CNTNAP4: variants seen among roughly 807,000 people sequenced by gnomAD.
The protein encoded by CNTNAP4 is contactin-associated protein-like 4.
In CNTNAP4, 98 loss-of-function variants were observed where a neutral mutation model predicts 148.4. The ratio of observed to expected loss-of-function variants is 0.66; its 90% CI spans 0.56 to 0.78. The LOEUF is 0.78. Ranked by LOEUF, CNTNAP4 falls within the 30% of genes least tolerant of loss-of-function variation. The pLI is 0.00. For synonymous variants in CNTNAP4, 730 were observed against 565.1 expected, an observed-to-expected ratio of 1.29 and a Z score of -4.14; for missense variants, 1,935 against 1,565.6, an observed-to-expected ratio of 1.24 and a Z score of -3.98.
At chr16:76,411,779 A>G (rs1300281286) in intron 3 of CNTNAP4, among the ~76,000 whole-genome samples, 1 of 151,444 alleles carries the variant, frequency 6.6e-6, no homozygotes, top group Non-Finnish European at 1.5e-5. Flanking sequence ...TCTTTTTCAT[A>G]GTTAGCATGC....
intron 3 of CNTNAP4, among the ~76,000 whole-genome samples, chr16:76,366,809 GA>G (rs1225382708): frequency 6.6e-6 from 1 of 151,790 alleles, no homozygotes; most frequent in Non-Finnish European, 1.5e-5. Context: ...ATATGTACAA[GA>G]AACAAAAAAA....
At chr16:76,451,837 T>A (rs2080494338) in intron 7 of CNTNAP4, among the ~76,000 whole-genome samples, 2 of 152,128 alleles carry the variant, frequency 1.3e-5, no homozygotes, top group South Asian at 4.1e-4. Context: ...GCGACTATAG[T>A]TAATAAGGAT....
chr16:76,442,909 C>A (rs2080099975), intron 4 of CNTNAP4, among the ~76,000 whole-genome samples: 1 of 151,948 alleles, frequency 6.6e-6, no homozygotes, highest in Non-Finnish European at 1.5e-5. Flanking sequence ...GTATTCAAAC[C>A]AGCACAGACT....
intron 3 of CNTNAP4, among the ~76,000 whole-genome samples, chr16:76,387,433 C>G (rs927938039): frequency 2.0e-5 from 3 of 152,162 alleles, no homozygotes; most frequent in African/African-American, 7.2e-5. Flanking sequence ...CCAATAGTCT[C>G]TCTTGCTTTA....
At chr16:76,460,773 A>AAAAAAATATATATATATATAT in intron 8 of CNTNAP4, among the ~76,000 whole-genome samples, 3 of 57,290 alleles carry the variant, frequency 5.2e-5, no homozygotes, top group Non-Finnish European at 6.6e-5. Context: ...AAAAAAAAAA[A>AAAAAAATATATATATATATAT]ATATATATAT....
intron 10 of CNTNAP4, among the ~76,000 whole-genome samples, chr16:76,470,496 T>TATATATATATATATATATATATATAG (rs1381766837): frequency 1.8e-5 from 1 of 57,074 alleles, no homozygotes; most frequent in African/African-American, 4.4e-5. Context: ...TATATATATA[T>TATATATATATATATATATATATATAG]AAAATTAGTC....
Position 76,353,181 on chromosome 16 carries a change from A to G in CNTNAP4, c.197-2137A>G, listed in dbSNP as rs373164626. The stretch of plus-strand genomic sequence containing the variant: ...AGAGGAAGAGCATTGTGCTTTTGAC[A>G]CATGGAGTGGAATACAGTTTTGAAC... On this transcript the variant is annotated intron_variant, in intron 2 of 23. Coordinates refer to ENST00000611870, the MANE Select transcript of CNTNAP4 (RefSeq NM_033401.5). Among the ~76,000 whole-genome samples, 12 of 152,298 alleles carry G rather than the reference A, an allele frequency of 7.9e-5. No individual in the cohort carries two copies. In the South Asian group the frequency reaches 2.5e-3, roughly 32 times the overall value.
At chr16:76,312,238 A>T (rs1036736750) in intron 1 of CNTNAP4, among the ~76,000 whole-genome samples, 1 of 152,182 alleles carries the variant, frequency 6.6e-6, no homozygotes, top group African/African-American at 2.4e-5. Context: ...AACCCAGTAG[A>T]TGCCAGAAGT....
At chr16:76,555,379 T>C (rs2085152731) in intron 23 of CNTNAP4, among the ~76,000 whole-genome samples, 1 of 152,076 alleles carries the variant, frequency 6.6e-6, no homozygotes. Context: ...ACAAAAAAAC[T>C]CTATTTGAAG....
At chr16:76,393,682 T>C (rs2078103226) in intron 3 of CNTNAP4, among the ~76,000 whole-genome samples, 2 of 151,136 alleles carry the variant, frequency 1.3e-5, no homozygotes, top group African/African-American at 4.9e-5. Context: ...AAGACATTCC[T>C]GGCAGAAAAA....
At chr16:76,411,293 G>A (rs889461562) in intron 3 of CNTNAP4, among the ~76,000 whole-genome samples, 2 of 151,424 alleles carry the variant, frequency 1.3e-5, no homozygotes, top group African/African-American at 2.4e-5. Context: ...AAAACAATTA[G>A]CAATTTAATA....
chr16:76,286,779 A>T (rs190628597), intron 1 of CNTNAP4, among the ~76,000 whole-genome samples: 6 of 152,330 alleles, frequency 3.9e-5, no homozygotes, highest in Admixed American at 2.0e-4. Context: ...ATTTATGTCC[A>T]AGGCAGAAAG....
rs2080384614 is a variant in CNTNAP4, at chr16:76,449,740, C to T, written c.953C>T (p.Pro318Leu). The stretch of plus-strand genomic sequence containing the variant: ...ATCAGCTTTGGAGGGATTCCAGCAC[C>T]TGGAAAATCAGTGTCATTCCCACAT... ...YEISFGGIPA[P>L]GKSVSFPHRN... is the part of the protein sequence containing the mutation. The change falls in exon 7 of 24, where the codon CCT becomes CTT. Residue 318 changes from proline (P) to leucine (L), a missense_variant. Pro to Leu is a moderately conservative substitution (Grantham distance 98). Coordinates refer to ENST00000611870, the MANE Select transcript of CNTNAP4 (RefSeq NM_033401.5). 2 of 1,594,060 alleles carry T rather than the reference C, an allele frequency of 1.3e-6. No homozygotes were observed. The highest frequency in any genetic ancestry group is 2.7e-5 in the African/African-American group (2 of 74,710).
At chr16:76,384,643 C>T (rs979373033) in intron 3 of CNTNAP4, among the ~76,000 whole-genome samples, 17 of 152,102 alleles carry the variant, frequency 1.1e-4, no homozygotes, top group African/African-American at 4.1e-4. Context: ...TTCCGCGCTC[C>T]TCTCTCAGGA....
chr16:76,505,194 C>T (rs2082800006), intron 15 of CNTNAP4, among the ~76,000 whole-genome samples: 1 of 152,110 alleles, frequency 6.6e-6, no homozygotes, highest in Non-Finnish European at 1.5e-5. Context: ...CCATAGTCCC[C>T]TAAAAATGAA....
At chr16:76,397,946 A>G (rs60077470) in intron 3 of CNTNAP4, among the ~76,000 whole-genome samples, 187 of 824 alleles carry the variant, frequency 0.23, 12 homozygotes, top group Middle Eastern at 0.5. Context: ...GATTATATAC[A>G]TATATATATA....
intron 1 of CNTNAP4, among the ~76,000 whole-genome samples, chr16:76,280,012 C>T (rs1549659): frequency 0.021 from 3,226 of 152,252 alleles, 100 homozygotes; most frequent in African/African-American, 0.057. Flanking sequence ...CCAGCATATG[C>T]ATTTCTAAAG....
chr16:76,450,866 A>AC (rs1191352450), intron 7 of CNTNAP4, among the ~76,000 whole-genome samples: 2 of 152,192 alleles, frequency 1.3e-5, no homozygotes, highest in Non-Finnish European at 2.9e-5. Context: ...GACCTCAGCA[A>AC]TTTTCAGAGG....
chr16:76,552,147 A>AGG (rs2084976599), intron 21 of CNTNAP4, among the ~76,000 whole-genome samples: 1 of 1,296 alleles, frequency 7.7e-4, no homozygotes, highest in African/African-American at 9.9e-4. Flanking sequence ...CAGGAGAGAG[A>AGG]AGAAGGATGA....
Sources: gnomAD v4.1 joint callset for allele counts (sites outside exome capture counted in the v4.1 genomes callset) on GRCh38, gnomAD v4.1.1 for gene constraint, MANE v1.5 for transcripts, NCBI Gene and HGNC (gene_info 2026-07-23, HGNC 2026-07-21) for gene names.